TRHDE: variants seen among roughly 807,000 people sequenced by gnomAD.
TRHDE encodes thyrotropin-releasing hormone-degrading ectoenzyme.
TRHDE carries 72 observed loss-of-function variants against 125.7 expected under a neutral mutation model. The observed-to-expected ratio is 0.57, with a 90% CI of 0.47 to 0.70. TRHDE has a LOEUF of 0.70. Among genes scored for constraint, TRHDE ranks in the 30% least tolerant of loss-of-function variants. The pLI, the probability that TRHDE is intolerant of heterozygous loss-of-function variation, is 0.00. For missense variants in TRHDE, 1,110 were observed against 1,327.1 expected (o/e 0.84, Z 2.54); for synonymous variants, 509 against 509.1 (o/e 1.00, Z 0.00).
At chr12:72,211,460 A>C (rs1877780429) in intron 2 of TRHDE, among the ~76,000 whole-genome samples, 1 of 152,238 alleles carries the variant, frequency 6.6e-6, no homozygotes, top group African/African-American at 2.4e-5. Context: ...TTATAAAGAT[A>C]AAATAGTCAG....
At chr12:72,266,548 T>G (rs1407809089) in intron 2 of TRHDE, among the ~76,000 whole-genome samples, 1 of 151,418 alleles carries the variant, frequency 6.6e-6, no homozygotes, top group Non-Finnish European at 1.5e-5. Flanking sequence ...TATTCTCTAT[T>G]CATTTATTAA....
At chr12:72,334,480 G>A (rs1869741624) in intron 2 of TRHDE, among the ~76,000 whole-genome samples, 1 of 152,194 alleles carries the variant, frequency 6.6e-6, no homozygotes, top group Admixed American at 6.5e-5. Context: ...AAGAAATGAA[G>A]GGGAGCCGGA....
intron 2 of TRHDE, among the ~76,000 whole-genome samples, chr12:72,220,520 A>G (rs1396070383): frequency 6.6e-6 from 1 of 151,948 alleles, no homozygotes; most frequent in Non-Finnish European, 1.5e-5. Context: ...ATCACTTTCC[A>G]ATCTGTCCAA....
chr12:72,624,969 T>A (rs1416430882), intron 15 of TRHDE, among the ~76,000 whole-genome samples: 1 of 151,940 alleles, frequency 6.6e-6, no homozygotes, highest in East Asian at 1.9e-4. Context: ...GATGGCCTTT[T>A]TCTATGCATA....
chr12:72,602,455 A>G (rs1391111896), intron 12 of TRHDE, among the ~76,000 whole-genome samples: 4 of 152,194 alleles, frequency 2.6e-5, no homozygotes, highest in African/African-American at 7.2e-5. Context: ...ATTTGGAATA[A>G]TGAAATCTGG....
intron 7 of TRHDE, among the ~76,000 whole-genome samples, chr12:72,551,690 C>T (rs947187787): frequency 2.6e-5 from 4 of 151,798 alleles, no homozygotes; most frequent in Admixed American, 1.3e-4. Context: ...GAATACACAG[C>T]GGATATGGTC....
chr12:72,343,763 A>G (rs10879405), intron 2 of TRHDE, among the ~76,000 whole-genome samples: 1 of 152,048 alleles, frequency 6.6e-6, no homozygotes, highest in African/African-American at 2.4e-5. Context: ...CTTAAAAGAT[A>G]TAAAGGAAGG....
At position 72,571,974 on chromosome 12, in the gene TRHDE, AACACACAC is replaced by A. The variant is rs59206098; in HGVS notation, c.2132-3244_2132-3237del. Among the ~76,000 whole-genome samples, 1,272 of 127,510 alleles carry A rather than the reference AACACACAC, an allele frequency of 1.0e-2. 23 individuals carry two copies. The highest frequency in any genetic ancestry group is 0.031 in the African/African-American group (1,104 of 35,826). The allele number at this position is 127,510 out of a possible 152,430, so 83.7% of individuals were successfully genotyped here. A position where few individuals can be genotyped will look rare whatever the true frequency, so the allele number is the denominator to read the frequency against. ...TTCCTACCGTTCCCCTGACTCTGCA[AACACACAC>A]ACACACACACACACACACACACACA... is the stretch of plus-strand genomic sequence containing the variant. On this transcript the variant is annotated intron_variant, in intron 10 of 18. Coordinates refer to ENST00000261180, the MANE Select transcript of TRHDE (RefSeq NM_013381.3).
intron 2 of TRHDE, among the ~76,000 whole-genome samples, chr12:72,139,791 C>T (rs1876071268): frequency 6.6e-6 from 1 of 152,150 alleles, no homozygotes; most frequent in Non-Finnish European, 1.5e-5. Flanking sequence ...ATGGACCCCT[C>T]TTCTCGGTCA....
At chr12:72,337,134 A>G (rs191202236) in intron 2 of TRHDE, among the ~76,000 whole-genome samples, 2 of 152,340 alleles carry the variant, frequency 1.3e-5, no homozygotes, top group East Asian at 3.9e-4. Flanking sequence ...GAATGACAGT[A>G]ACATACACGA....
At chr12:72,274,371 G>C (rs1225889437) in intron 1 of TRHDE, 2 of 152,184 alleles carry the variant, frequency 1.3e-5, no homozygotes, top group Non-Finnish European at 2.9e-5. Context: ...CATTTGTGTA[G>C]TTTTGTATTT....
At chr12:72,265,379 G>A (rs1418961750) in intron 2 of TRHDE, among the ~76,000 whole-genome samples, 5 of 151,862 alleles carry the variant, frequency 3.3e-5, no homozygotes, top group African/African-American at 1.2e-4. Context: ...AATACTCTCA[G>A]AAAAACATGT....
intron 2 of TRHDE, among the ~76,000 whole-genome samples, chr12:72,107,635 A>T (rs985206): frequency 0.76 from 114,957 of 151,984 alleles, 44,155 homozygotes; most frequent in Non-Finnish European, 0.82. Context: ...CTGGAGCTAA[A>T]TCCTAAAGGT....
intron 2 of TRHDE, among the ~76,000 whole-genome samples, chr12:72,123,547 T>C (rs1356907165): frequency 1.3e-5 from 2 of 152,108 alleles, no homozygotes; most frequent in Non-Finnish European, 2.9e-5. Context: ...TGTATATACT[T>C]TTTATCATAA....
At chr12:72,310,612 G>A (rs867573904) in intron 2 of TRHDE, among the ~76,000 whole-genome samples, 26 of 152,076 alleles carry the variant, frequency 1.7e-4, no homozygotes, top group African/African-American at 6.0e-4. Flanking sequence ...GAAATGTTTT[G>A]TCAATTATTA....
intron 2 of TRHDE, among the ~76,000 whole-genome samples, chr12:72,296,857 A>G (rs1240824816): frequency 1.3e-5 from 2 of 152,202 alleles, no homozygotes; most frequent in Non-Finnish European, 2.9e-5. Context: ...AAATGGATGT[A>G]GTGATTGTAG....
At chr12:72,546,741 G>A (rs1402385317) in intron 7 of TRHDE, among the ~76,000 whole-genome samples, 1 of 151,610 alleles carries the variant, frequency 6.6e-6, no homozygotes, top group Non-Finnish European at 1.5e-5. Flanking sequence ...TGGAAGTAAA[G>A]GTCAGGAAAG....
intron 5 of TRHDE, among the ~76,000 whole-genome samples, chr12:72,479,582 T>C (rs527779623): frequency 1.3e-5 from 2 of 152,164 alleles, no homozygotes; most frequent in African/African-American, 4.8e-5. Context: ...CTATATGAAT[T>C]TTTAAAATTT....
At chr12:72,332,340 C>T (rs143964335) in intron 2 of TRHDE, among the ~76,000 whole-genome samples, 6,519 of 152,198 alleles carry the variant, frequency 0.043, 161 homozygotes, top group Non-Finnish European at 0.057. Context: ...GGGGTTTCAC[C>T]GTGTTAGGCA....
Sources: gnomAD v4.1 joint callset for allele counts (sites outside exome capture counted in the v4.1 genomes callset) on GRCh38, gnomAD v4.1.1 for gene constraint, MANE v1.5 for transcripts, NCBI Gene and HGNC (gene_info 2026-07-23, HGNC 2026-07-21) for gene names.